Variants in DTD1 observed in about 807,000 individuals in gnomAD.
The protein encoded by DTD1 is D-tyrosyl-tRNA deacylase 1 homolog.
DTD1 carries 13 observed loss-of-function variants against 25.6 expected under a neutral mutation model. The ratio of observed to expected loss-of-function variants is 0.51; its 90% CI spans 0.33 to 0.81. The LOEUF (loss-of-function observed/expected upper bound fraction) is 0.81, where lower values mean the gene tolerates loss of function less well. Ranked by LOEUF, DTD1 falls within the 30% of genes least tolerant of loss-of-function variation. The pLI is 0.02. For missense variants in DTD1, 193 were observed against 266.4 expected, an observed-to-expected ratio of 0.72 and a Z score of 1.92; for synonymous variants, 110 against 103.6, an observed-to-expected ratio of 1.06 and a Z score of -0.37.
rs2122546482 is a variant in DTD1, at chr20:18,763,385, T to C, written c.*45T>C. On this transcript the variant is annotated 3_prime_UTR_variant, in exon 6 of 6. Transcript: ENST00000377452. ...TGTGTTATCATTGGGCAGAACTGGA[T>C]CCTGAAAAATTCAAGATGCTAAGCA... is the stretch of plus-strand genomic sequence containing the variant. 6.5e-6 allele frequency: 1 copy of C among 152,768 alleles called. No homozygotes were observed. The highest frequency in any genetic ancestry group is 1.5e-5 in the Non-Finnish European group (1 of 68,044). The allele number at this position is 152,768 out of a possible 1,614,324, so 9.5% of individuals were successfully genotyped here.
chr20:18,714,150 T>A lies in DTD1; in HGVS notation c.478-29950T>A, dbSNP rs188393956. 1.3e-3 allele frequency among the ~76,000 whole-genome samples: 195 copies of A among 152,342 alleles called. 1 individual carries two copies. Among genetic ancestry groups the A allele is most frequent in the African/African-American group, 4.6e-3 (191 of 41,580 alleles). ...AGGCAGGATGAGAAAGGGGAGTCTATTAGGTAAACACAGAGCAAATTATTT... is the reference window on the plus strand; with the variant it reads ...AGGCAGGATGAGAAAGGGGAGTCTAATAGGTAAACACAGAGCAAATTATTT... On this transcript the variant is annotated intron_variant, in intron 4 of 5. Coordinates refer to ENST00000377452, the MANE Select transcript of DTD1 (RefSeq NM_080820.6).
chr20:18,675,243 G>C (rs1169989799), intron 4 of DTD1: 1 of 152,282 alleles, frequency 6.6e-6, no homozygotes, highest in Non-Finnish European at 1.5e-5. Context: ...GTTTCCCCCA[G>C]AGCCCTAGCC....
rs1169444706 is a variant in DTD1 at position 18,766,536 on chromosome 20, G to A, written c.*3196G>A. On this transcript the variant is annotated 3_prime_UTR_variant, in exon 6 of 6. Transcript: ENST00000377452. ...AGGCGGGTGGATCACGAGGTCAGTAGATCAAGACCATCCTGGCTAACACAG... is the reference window on the plus strand; with the variant it reads ...AGGCGGGTGGATCACGAGGTCAGTAAATCAAGACCATCCTGGCTAACACAG... The A allele has an allele frequency of 6.6e-6, 1 of 151,918 alleles. No homozygotes were observed. The highest frequency in any genetic ancestry group is 1.5e-5 in the Non-Finnish European group (1 of 68,030). The allele number at this position is 151,918 out of a possible 1,614,324, so 9.4% of individuals were successfully genotyped here.
chr20:18,619,489 A>G (rs912279757), intron 3 of DTD1, among the ~76,000 whole-genome samples: 1 of 152,084 alleles, frequency 6.6e-6, no homozygotes, highest in Admixed American at 6.5e-5. Flanking sequence ...CAGTGGCACA[A>G]TCTTGGCTCA....
At chr20:18,591,994 T>G (rs1352570782) in intron 1 of DTD1, among the ~76,000 whole-genome samples, 1 of 152,216 alleles carries the variant, frequency 6.6e-6, no homozygotes, top group Non-Finnish European at 1.5e-5. Context: ...TAAGCATTAC[T>G]GATATTTCAG....
intron 5 of DTD1, among the ~76,000 whole-genome samples, chr20:18,762,262 T>A (rs991607615): frequency 3.9e-5 from 6 of 152,214 alleles, no homozygotes; most frequent in African/African-American, 1.4e-4. Context: ...TTTACTGAAG[T>A]CCATCCAATT....
intron 4 of DTD1, among the ~76,000 whole-genome samples, chr20:18,731,947 C>T (rs2061240278): frequency 6.6e-6 from 1 of 152,178 alleles, no homozygotes; most frequent in African/African-American, 2.4e-5. Context: ...CTCTGTGGAG[C>T]CCACTCTCTG....
intron 3 of DTD1, among the ~76,000 whole-genome samples, chr20:18,622,603 T>C (rs1245223225): frequency 6.6e-6 from 1 of 152,188 alleles, no homozygotes; most frequent in African/African-American, 2.4e-5. Context: ...CTGCAAGAAA[T>C]TTCCCAAGTG....
At chr20:18,672,928 G>T (rs924765824) in intron 4 of DTD1, among the ~76,000 whole-genome samples, 1 of 152,160 alleles carries the variant, frequency 6.6e-6, no homozygotes, top group African/African-American at 2.4e-5. Context: ...AGAAGTCTCC[G>T]GCTTCTGAGC....
In DTD1 at chr20:18,681,040, C is replaced by G. The variant is rs189997254; in HGVS notation, c.477+52807C>G. Among the ~76,000 whole-genome samples the G allele has an allele frequency of 1.3e-3, 194 of 152,288 alleles. 1 individual carries two copies. Among genetic ancestry groups the G allele is most frequent in the African/African-American group, 4.6e-3 (190 of 41,578 alleles). On this transcript the variant is annotated intron_variant, in intron 4 of 5. Coordinates refer to ENST00000377452, the MANE Select transcript of DTD1 (RefSeq NM_080820.6). ...TCCTTTTCTATAAGTCAACAAATAA[C>G]CACTTGCAAGAAATAAGTGTTCTCT...
chr20:18,754,813 C>A (rs765974656), intron 5 of DTD1, among the ~76,000 whole-genome samples: 6 of 152,214 alleles, frequency 3.9e-5, no homozygotes, highest in African/African-American at 7.2e-5. Flanking sequence ...CGTCTATTGA[C>A]CAATCCATGT....
intron 3 of DTD1, among the ~76,000 whole-genome samples, chr20:18,623,635 C>A (rs535190017): frequency 6.6e-6 from 1 of 152,260 alleles, no homozygotes; most frequent in Admixed American, 6.5e-5. Context: ...GAGAGCAGAA[C>A]GCCGCTTCTG....
chr20:18,630,146 C>A (rs13042943), intron 4 of DTD1, among the ~76,000 whole-genome samples: 1,769 of 151,960 alleles, frequency 0.012, 29 homozygotes, highest in Non-Finnish European at 0.016. Flanking sequence ...AATGAAAAGT[C>A]CACATGAAAA....
chr20:18,661,596 C>T lies in DTD1; in HGVS notation c.477+33363C>T, dbSNP rs1442351206. 1.8e-4 allele frequency among the ~76,000 whole-genome samples: 27 copies of T among 152,238 alleles called. 1 individual carries two copies. In the East Asian group the frequency reaches 5.2e-3, roughly 30 times the overall value. On this transcript the variant is annotated intron_variant, in intron 4 of 5. Coordinates refer to ENST00000377452, the MANE Select transcript of DTD1 (RefSeq NM_080820.6). Reference sequence around the variant, plus strand: ...CCGTGTTAGCCAGGATGGTTTTGATCTCCTGACCTCGTGATCTGCCCGCCT... The same window carrying T: ...CCGTGTTAGCCAGGATGGTTTTGATTTCCTGACCTCGTGATCTGCCCGCCT...
At chr20:18,610,696 G>A (rs1295749383) in intron 3 of DTD1, among the ~76,000 whole-genome samples, 1 of 152,142 alleles carries the variant, frequency 6.6e-6, no homozygotes, top group Non-Finnish European at 1.5e-5. Flanking sequence ...GATTGCTTGA[G>A]CCCAGGAGTT....
chr20:18,697,810 G>T (rs997280389), intron 4 of DTD1, among the ~76,000 whole-genome samples: 1 of 152,180 alleles, frequency 6.6e-6, no homozygotes, highest in African/African-American at 2.4e-5. Context: ...TCAGCCTCTC[G>T]AGTAGCTGGG....
At position 18,708,459 on chromosome 20, in the gene DTD1, G is replaced by A. The variant is rs187272241; in HGVS notation, c.478-35641G>A. On this transcript the variant is annotated intron_variant, in intron 4 of 5. Transcript: ENST00000377452. The stretch of plus-strand genomic sequence containing the variant: ...CAACCTTCACCTCCCTGGTTCAAGC[G>A]ATTCTCGTGCCTCAGCCTCCCAAGT... Among the ~76,000 whole-genome samples the A allele has an allele frequency of 3.8e-3, 543 of 143,912 alleles. 3 individuals carry two copies. Among genetic ancestry groups the A allele is most frequent in the African/African-American group, 0.014 (522 of 38,570 alleles). 94.4% of individuals were successfully genotyped at this position (143,912 alleles called of 152,430 possible).
chr20:18,642,426 A>G (rs1334332835), intron 4 of DTD1, among the ~76,000 whole-genome samples: 1 of 151,568 alleles, frequency 6.6e-6, no homozygotes, highest in Non-Finnish European at 1.5e-5. Flanking sequence ...AGTTCTTTTT[A>G]TTTATTTTAT....
At chr20:18,667,101 G>A (rs2122382371) in intron 4 of DTD1, among the ~76,000 whole-genome samples, 1 of 152,334 alleles carries the variant, frequency 6.6e-6, no homozygotes, top group Non-Finnish European at 1.5e-5. Context: ...AGTGGATGTG[G>A]AAACCAAGGA....
Sources: allele counts gnomAD v4.1 joint callset (sites outside exome capture counted in the v4.1 genomes callset), GRCh38; gene constraint gnomAD v4.1.1; transcripts MANE v1.5; gene names NCBI Gene and HGNC (gene_info 2026-07-23, HGNC 2026-07-21).